PHC3: variants seen among roughly 807,000 people sequenced by gnomAD.
The protein encoded by PHC3 is polyhomeotic homolog 3.
Under a neutral mutation model 107.4 loss-of-function variants are expected in PHC3, and 13 were observed. That is an observed-to-expected ratio of 0.12 (90% CI 0.08 to 0.19). The LOEUF (loss-of-function observed/expected upper bound fraction) is 0.19. Among genes scored for constraint, PHC3 ranks in the 10% least tolerant of loss-of-function variants. The pLI, the probability that PHC3 is intolerant of heterozygous loss-of-function variation, is 1.00. For missense variants in PHC3, 992 were observed against 1,210.9 expected, an observed-to-expected ratio of 0.82 and a Z score of 2.68; for synonymous variants, 456 against 427.4, an observed-to-expected ratio of 1.07 and a Z score of -0.83.
intron 4 of PHC3, among the ~76,000 whole-genome samples, chr3:170,155,754 G>C (rs1449635335): frequency 6.6e-6 from 1 of 151,890 alleles, no homozygotes; most frequent in Non-Finnish European, 1.5e-5. Flanking sequence ...GACTGCATTG[G>C]ATATACACAC....
chr3:170,105,947 C>T (rs1384231184), intron 12 of PHC3, among the ~76,000 whole-genome samples: 1 of 152,172 alleles, frequency 6.6e-6, no homozygotes, highest in Non-Finnish European at 1.5e-5. Context: ...CGTGGTGGCT[C>T]ACACACGTAA....
At chr3:170,176,928 A>G in intron 2 of PHC3, 1 of 455,638 alleles carries the variant, frequency 2.2e-6, no homozygotes, top group Non-Finnish European at 4.4e-6. Flanking sequence ...TATAGCTCCT[A>G]AAGATAATGA....
intron 8 of PHC3, among the ~76,000 whole-genome samples, chr3:170,123,132 A>T (rs1720661258): frequency 6.6e-6 from 1 of 152,222 alleles, no homozygotes; most frequent in African/African-American, 2.4e-5. Context: ...TCATAAGCAC[A>T]CTAAGCGAAT....
intron 4 of PHC3, among the ~76,000 whole-genome samples, chr3:170,155,873 A>ATAT (rs1199239370): frequency 2.6e-5 from 4 of 152,212 alleles, no homozygotes; most frequent in Non-Finnish European, 2.9e-5. Context: ...AAAGGTGTAT[A>ATAT]TATATAATGC....
intron 14 of PHC3, among the ~76,000 whole-genome samples, chr3:170,099,824 T>C (rs980842081): frequency 1.3e-5 from 2 of 152,194 alleles, no homozygotes; most frequent in Non-Finnish European, 2.9e-5. Flanking sequence ...TAAATAGTCA[T>C]GTTTTAAAAA....
At chr3:170,170,948 A>T (rs2108747964) in intron 4 of PHC3, 1 of 170,142 alleles carries the variant, frequency 5.9e-6, no homozygotes, top group South Asian at 1.9e-4. Context: ...GAACCCAAAT[A>T]ACTCATGTAA....
intron 14 of PHC3, among the ~76,000 whole-genome samples, chr3:170,099,286 G>T (rs529517030): frequency 1.3e-5 from 2 of 152,106 alleles, no homozygotes; most frequent in East Asian, 3.9e-4. Context: ...AAAGTGTTTT[G>T]GGAATTAGCA....
chr3:170,173,828 G>T (rs781331813), intron 2 of PHC3, among the ~76,000 whole-genome samples: 3 of 152,134 alleles, frequency 2.0e-5, no homozygotes, highest in East Asian at 1.9e-4. Context: ...GTGATTTTTA[G>T]CTTCTACTTC....
chr3:170,140,508 C>T (rs553448531), intron 6 of PHC3, among the ~76,000 whole-genome samples: 6 of 151,676 alleles, frequency 4.0e-5, no homozygotes, highest in Non-Finnish European at 8.8e-5. Flanking sequence ...CCCATCTCAG[C>T]CTCCCAAAGT....
chr3:170,169,678 T>C (rs1729283065), intron 4 of PHC3: 1 of 152,222 alleles, frequency 6.6e-6, no homozygotes, highest in South Asian at 2.1e-4. Context: ...ACTAGAATTC[T>C]AACTTCTGTG....
chr3:170,165,333 C>T (rs1728545628), intron 4 of PHC3, among the ~76,000 whole-genome samples: 1 of 152,136 alleles, frequency 6.6e-6, no homozygotes, highest in African/African-American at 2.4e-5. Flanking sequence ...AGTCACACAA[C>T]ATAATACTAA....
chr3:170,100,303 A>C (rs1157965737), intron 14 of PHC3, among the ~76,000 whole-genome samples: 1 of 151,978 alleles, frequency 6.6e-6, no homozygotes, highest in Non-Finnish European at 1.5e-5. Context: ...GCTTAATGAG[A>C]GCTAAAAGAA....
At chr3:170,172,401 T>C (rs1729743508) in intron 3 of PHC3, among the ~76,000 whole-genome samples, 156 bp downstream of exon 3, 3 of 152,208 alleles carry the variant, frequency 2.0e-5, no homozygotes, top group African/African-American at 7.2e-5. Flanking sequence ...TTTTTCTCAA[T>C]TAACTTCTAT....
intron 1 of PHC3, among the ~76,000 whole-genome samples, chr3:170,180,563 T>G (rs921469457): frequency 1.5e-4 from 21 of 136,200 alleles, no homozygotes; most frequent in Non-Finnish European, 2.8e-4. Context: ...TTTATGCTTC[T>G]GTTTTTTTTT....
intron 11 of PHC3, among the ~76,000 whole-genome samples, chr3:170,109,943 A>G (rs1364306524): frequency 6.9e-6 from 1 of 143,900 alleles, no homozygotes; most frequent in Non-Finnish European, 1.5e-5. Context: ...AAACATGAAA[A>G]TTATAAAATT....
rs780536153 is a variant in PHC3, at chr3:170,093,703, C to T, written c.*3527G>A. 7.2e-5 allele frequency: 11 copies of T among 152,148 alleles called. No individual in the cohort carries two copies. Among genetic ancestry groups the T allele is most frequent in the Non-Finnish European group, 1.2e-4 (8 of 68,038 alleles). 9.4% of individuals were successfully genotyped at this position (152,148 alleles called of 1,614,324 possible). ...GTCAGTGGGAGACAGGGCACTATAACACATTTCAATTCAATCTAAGACTTG... is the reference window on the plus strand; with the variant it reads ...GTCAGTGGGAGACAGGGCACTATAATACATTTCAATTCAATCTAAGACTTG... On this transcript the variant is annotated 3_prime_UTR_variant, in exon 15 of 15. Coordinates refer to ENST00000495893, the MANE Select transcript of PHC3 (RefSeq NM_024947.4).
At chr3:170,136,030 T>C (rs969964342) in intron 7 of PHC3, among the ~76,000 whole-genome samples, 2 of 152,150 alleles carry the variant, frequency 1.3e-5, no homozygotes, top group Admixed American at 6.6e-5. Context: ...AGTGACAAAT[T>C]TCTCCCACTG....
At chr3:170,114,830 T>C (rs1225561969) in intron 10 of PHC3, among the ~76,000 whole-genome samples, 3 of 152,250 alleles carry the variant, frequency 2.0e-5, no homozygotes, top group Admixed American at 6.5e-5. Context: ...CAACAGCTTA[T>C]TGGACAGAAA....
intron 6 of PHC3, among the ~76,000 whole-genome samples, chr3:170,144,431 G>A (rs1257227881): frequency 1.3e-5 from 2 of 151,738 alleles, no homozygotes; most frequent in Non-Finnish European, 2.9e-5. Flanking sequence ...GCTATTCTGA[G>A]TACCGCTGCT....
Sources: gnomAD v4.1 joint callset for allele counts (sites outside exome capture counted in the v4.1 genomes callset) on GRCh38, gnomAD v4.1.1 for gene constraint, MANE v1.5 for transcripts, NCBI Gene and HGNC (gene_info 2026-07-23, HGNC 2026-07-21) for gene names.